Variants in INPP4B observed in about 807,000 individuals in gnomAD.
INPP4B encodes the protein inositol polyphosphate-4-phosphatase type II B.
A neutral mutation model predicts 122.5 loss-of-function variants in INPP4B; 55 were observed. That is an observed-to-expected ratio of 0.45 (90% CI 0.36 to 0.56). The LOEUF is 0.56. INPP4B is among the 20% of genes least tolerant of loss of function. The pLI is 0.00. For missense variants in INPP4B, 1,000 were observed against 1,097.7 expected (o/e 0.91, Z 1.26); for synonymous variants, 403 against 388.7 (o/e 1.04, Z -0.43).
chr4:142,787,909 G>A (rs1203286280), intron 1 of INPP4B, among the ~76,000 whole-genome samples: 4 of 151,940 alleles, frequency 2.6e-5, no homozygotes, highest in Non-Finnish European at 5.9e-5. Flanking sequence ...CGAGAAACTA[G>A]TGCAAGATTT....
chr4:142,231,722 T>C (rs1210228279), intron 12 of INPP4B, among the ~76,000 whole-genome samples: 3 of 152,166 alleles, frequency 2.0e-5, no homozygotes, highest in African/African-American at 7.2e-5. Flanking sequence ...TAGAGACCGT[T>C]ATGTAAGAAA....
rs537548568 is a variant in INPP4B, at chr4:142,531,763, G to T, written c.-190-69037C>A. On this transcript the variant is annotated intron_variant, in intron 2 of 25. Transcript: ENST00000262992. ...AAGGGGAAAGACCCTACCAAATATAGTAAAATACAAGTCAGTGGTAGACTA... is the reference window on the plus strand; with the variant it reads ...AAGGGGAAAGACCCTACCAAATATATTAAAATACAAGTCAGTGGTAGACTA... Among the ~76,000 whole-genome samples, 3 of 152,146 alleles carry T rather than the reference G, an allele frequency of 2.0e-5. No individual in the cohort carries two copies. In the South Asian group the frequency reaches 6.2e-4, roughly 32 times the overall value.
At chr4:142,805,348 A>G (rs552645964) in intron 1 of INPP4B, among the ~76,000 whole-genome samples, 20 of 152,244 alleles carry the variant, frequency 1.3e-4, no homozygotes, top group African/African-American at 4.8e-4. Flanking sequence ...GTAGAAAGAC[A>G]TAATAAATAG....
chr4:142,132,334 C>G (rs1469376886), intron 18 of INPP4B, among the ~76,000 whole-genome samples: 1 of 151,910 alleles, frequency 6.6e-6, no homozygotes, highest in Non-Finnish European at 1.5e-5. Context: ...GGCTCTGGAG[C>G]CAGACCACCA....
chr4:142,608,256 T>G (rs1741704943), intron 2 of INPP4B, among the ~76,000 whole-genome samples: 1 of 152,140 alleles, frequency 6.6e-6, no homozygotes, highest in South Asian at 2.1e-4. Flanking sequence ...CTTCTTTCCT[T>G]TATTGACTCT....
At chr4:142,432,478 C>G (rs528818954) in intron 3 of INPP4B, among the ~76,000 whole-genome samples, 1 of 152,122 alleles carries the variant, frequency 6.6e-6, no homozygotes, top group Admixed American at 6.5e-5. Flanking sequence ...AGGATACAAT[C>G]AAGAATATTT....
chr4:142,122,113 G>A lies in INPP4B; in HGVS notation c.2135+15C>T, dbSNP rs770140021. The A allele has an allele frequency of 2.0e-6, 3 of 1,527,468 alleles. No homozygotes were observed. The highest frequency in any genetic ancestry group is 3.4e-5 in the Admixed American group (2 of 58,540). The allele number at this position is 1,527,468 out of a possible 1,614,324, so 94.6% of individuals were successfully genotyped here. The stretch of plus-strand genomic sequence containing the variant: ...TCTAACAAAGCCTGGTCTTCAGGAA[G>A]TGAGCACTGCTTACCGTCTTCCTGT... On this transcript the variant is annotated intron_variant, in intron 21 of 25. Coordinates refer to ENST00000262992, the MANE Select transcript of INPP4B (RefSeq NM_001101669.3).
intron 2 of INPP4B, among the ~76,000 whole-genome samples, chr4:142,550,113 C>G (rs1317437104): frequency 6.6e-6 from 1 of 152,114 alleles, no homozygotes; most frequent in African/African-American, 2.4e-5. Flanking sequence ...GCCACAACAA[C>G]AAGGATATTG....
At chr4:142,669,708 T>C (rs1423198539) in intron 2 of INPP4B, among the ~76,000 whole-genome samples, 1 of 152,084 alleles carries the variant, frequency 6.6e-6, no homozygotes, top group Non-Finnish European at 1.5e-5. Context: ...TAAAACTACT[T>C]GAAGAAAATA....
chr4:142,401,444 T>C lies in INPP4B; in HGVS notation c.372+1494A>G, dbSNP rs531026894. 2.6e-5 allele frequency among the ~76,000 whole-genome samples: 4 copies of C among 152,160 alleles called. No individual in the cohort carries two copies. In the South Asian group the frequency reaches 8.3e-4, roughly 31 times the overall value. ...CAGTTGCCAGTTTTAACCCAAATTT[T>C]TACCTTTTTTGTTCAAAGAAGTAAT... On this transcript the variant is annotated intron_variant, in intron 7 of 25. Transcript: ENST00000262992.
chr4:142,398,439 TATATATAA>T (rs1364971603), intron 7 of INPP4B, among the ~76,000 whole-genome samples: 1 of 64,286 alleles, frequency 1.6e-5, no homozygotes, highest in African/African-American at 7.4e-5. Context: ...TATATATATA[TATATATAA>T]AACATATTAA....
chr4:142,836,818 C>T (rs1003225263), intron 1 of INPP4B, among the ~76,000 whole-genome samples: 1 of 151,508 alleles, frequency 6.6e-6, no homozygotes, highest in Non-Finnish European at 1.5e-5. Flanking sequence ...ATATTAATAA[C>T]ATAAATGACA....
chr4:142,464,540 A>T (rs1414997480), intron 2 of INPP4B, among the ~76,000 whole-genome samples: 27 of 151,990 alleles, frequency 1.8e-4, no homozygotes, highest in Non-Finnish European at 1.5e-5. Context: ...GGGAAAAAAA[A>T]TTCCAGTTTT....
At chr4:142,287,357 A>C (rs1754213427) in intron 9 of INPP4B, 1 of 152,196 alleles carries the variant, frequency 6.6e-6, no homozygotes, top group African/African-American at 2.4e-5. Context: ...CTAAATACAA[A>C]ATACCTCCAC....
intron 7 of INPP4B, among the ~76,000 whole-genome samples, chr4:142,328,557 G>C (rs1431675163): frequency 6.6e-6 from 1 of 152,138 alleles, no homozygotes; most frequent in Non-Finnish European, 1.5e-5. Context: ...AAGCAGACAT[G>C]ACAATGCAGG....
intron 11 of INPP4B, among the ~76,000 whole-genome samples, chr4:142,246,445 ATTTG>A (rs1333226939): frequency 6.6e-6 from 1 of 151,958 alleles, no homozygotes; most frequent in Non-Finnish European, 1.5e-5. Context: ...ATGTTTTTCC[ATTTG>A]TTTGTGTCCT....
intron 25 of INPP4B, among the ~76,000 whole-genome samples, chr4:142,077,207 C>A (rs1203897499): frequency 6.6e-6 from 1 of 151,882 alleles, no homozygotes; most frequent in East Asian, 1.9e-4. Context: ...CCCTGTATTG[C>A]GAGGGTGATA....
intron 11 of INPP4B, among the ~76,000 whole-genome samples, chr4:142,257,109 T>C (rs1229355523): frequency 3.9e-5 from 6 of 152,212 alleles, no homozygotes; most frequent in Non-Finnish European, 8.8e-5. Flanking sequence ...AAAAACCACA[T>C]GATTATCTCA....
chr4:142,264,851 A>C (rs1393219560), intron 10 of INPP4B, among the ~76,000 whole-genome samples: 2 of 152,222 alleles, frequency 1.3e-5, no homozygotes, highest in South Asian at 4.1e-4. Context: ...ACTAAGATTA[A>C]AAGAGGTCAT....
Sources: gnomAD v4.1 joint callset for allele counts (sites outside exome capture counted in the v4.1 genomes callset) on GRCh38, gnomAD v4.1.1 for gene constraint, MANE v1.5 for transcripts, NCBI Gene and HGNC (gene_info 2026-07-23, HGNC 2026-07-21) for gene names.